Variants in AP3M1 observed in about 807,000 individuals in gnomAD.
AP3M1 encodes the protein adaptor related protein complex 3 subunit mu 1.
Under a neutral mutation model 42.6 loss-of-function variants are expected in AP3M1, and 29 were observed. That is an observed-to-expected ratio of 0.68 (90% CI 0.51 to 0.93). AP3M1 has a LOEUF of 0.93. Among genes scored for constraint, AP3M1 ranks in the 40% least tolerant of loss-of-function variants. The pLI is 0.00. For synonymous variants in AP3M1, 178 were observed against 175.3 expected (o/e 1.02, Z -0.12); for missense variants, 416 against 510.2 (o/e 0.82, Z 1.78).
Position 74,123,623 on chromosome 10 carries a change from A to G in AP3M1, c.*187T>C. The G allele has an allele frequency of 3.4e-6, 2 of 584,694 alleles. No individual in the cohort carries two copies. The highest frequency in any genetic ancestry group is 6.1e-6 in the Non-Finnish European group (2 of 328,320). The allele number at this position is 584,694 out of a possible 1,614,324, so 36.2% of individuals were successfully genotyped here. ...AGATACAAAATAAGCTAAGTCACTAAAAGGTTTCCTTAGCTTAAAGCTCCT... is the reference window on the plus strand; with the variant it reads ...AGATACAAAATAAGCTAAGTCACTAGAAGGTTTCCTTAGCTTAAAGCTCCT... On this transcript the variant is annotated 3_prime_UTR_variant, in exon 9 of 9. Transcript: ENST00000355264.
rs889153754 is a variant in AP3M1 at position 74,126,026 on chromosome 10, C to T, written c.1011+122G>A. 4.0e-6 allele frequency: 4 copies of T among 992,586 alleles called. No homozygotes were observed. In the African/African-American group the frequency reaches 6.4e-5, roughly 16 times the overall value. 61.5% of individuals were successfully genotyped at this position (992,586 alleles called of 1,614,324 possible). On this transcript the variant is annotated intron_variant, in intron 7 of 8. Transcript: ENST00000355264. Reference sequence around the variant, plus strand: ...GCAGAAGCACAGCACAGTATGCTCTCTAGGTTTTGATACGAACTTTAGTTT... The same window carrying T: ...GCAGAAGCACAGCACAGTATGCTCTTTAGGTTTTGATACGAACTTTAGTTT...
intron 1 of AP3M1, among the ~76,000 whole-genome samples, chr10:74,149,231 C>T (rs1333222780): frequency 9.5e-6 from 1 of 105,074 alleles, no homozygotes; most frequent in Admixed American, 1.2e-4. Context: ...AAAATATAAT[C>T]TTGTTGCAAA....
chr10:74,148,975 C>T (rs775633833), intron 1 of AP3M1, among the ~76,000 whole-genome samples: 17 of 151,392 alleles, frequency 1.1e-4, no homozygotes, highest in South Asian at 2.1e-4. Flanking sequence ...TGGGTTCAAG[C>T]GATTCTCCTG....
chr10:74,146,196 T>C (rs1468825296), intron 1 of AP3M1, among the ~76,000 whole-genome samples: 1 of 152,110 alleles, frequency 6.6e-6, no homozygotes, highest in Non-Finnish European at 1.5e-5. Flanking sequence ...CCAGTATAAA[T>C]TTAGCAAATA....
intron 3 of AP3M1, among the ~76,000 whole-genome samples, chr10:74,135,361 T>C (rs1840911521): frequency 6.6e-6 from 1 of 152,206 alleles, no homozygotes; most frequent in Admixed American, 6.5e-5. Flanking sequence ...TTCTACTGAT[T>C]TTCCAAGGTG....
chr10:74,131,723 A>G (rs1411053296), intron 4 of AP3M1, among the ~76,000 whole-genome samples: 1 of 151,398 alleles, frequency 6.6e-6, no homozygotes, highest in South Asian at 2.1e-4. Context: ...TAAATTTTTG[A>G]TAGATATGGG....
chr10:74,138,091 A>G lies in AP3M1; in HGVS notation c.273+16T>C, dbSNP rs759319343. 11 of 1,609,016 alleles carry G rather than the reference A, an allele frequency of 6.8e-6. No homozygotes were observed. Among genetic ancestry groups the G allele is most frequent in the Non-Finnish European group, 9.3e-6 (11 of 1,177,516 alleles). On this transcript the variant is annotated intron_variant, in intron 2 of 8. Coordinates refer to ENST00000355264, the MANE Select transcript of AP3M1 (RefSeq NM_012095.6). ...CTTGGGTCATTTAACTTAGAAAGGT[A>G]TGATAGATAACCAACCTGAAAAGTG...
At chr10:74,145,885 A>T (rs916035106) in intron 1 of AP3M1, among the ~76,000 whole-genome samples, 1 of 152,258 alleles carries the variant, frequency 6.6e-6, no homozygotes, top group Non-Finnish European at 1.5e-5. Flanking sequence ...CCTTCTATAT[A>T]TAATATGATG....
chr10:74,138,949 A>AT (rs1420270046), intron 1 of AP3M1: 1 of 151,672 alleles, frequency 6.6e-6, no homozygotes, highest in African/African-American at 2.4e-5. Flanking sequence ...AAAAAAAAAA[A>AT]AAAAAAAAAA....
chr10:74,126,050 T>G, intron 7 of AP3M1, 98 bp downstream of exon 7: 1 of 1,327,246 alleles, frequency 7.5e-7, no homozygotes, highest in Non-Finnish European at 1.1e-6. Context: ...GAACTTTAGT[T>G]TTAAACAAGG....
At chr10:74,135,621 A>C (rs1400597475) in intron 3 of AP3M1, among the ~76,000 whole-genome samples, 3 of 152,020 alleles carry the variant, frequency 2.0e-5, no homozygotes, top group African/African-American at 7.2e-5. Context: ...TATAAGAATA[A>C]TTTTTTTCAG....
rs759185186 is a variant in AP3M1, at chr10:74,129,238, G to C, written c.673C>G (p.Pro225Ala). 10 of 1,613,668 alleles carry C rather than the reference G, an allele frequency of 6.2e-6. No individual in the cohort carries two copies. The highest frequency in any genetic ancestry group is 8.5e-6 in the Non-Finnish European group (10 of 1,179,932). Residue 225 changes from proline (P) to alanine (A), a missense_variant, in exon 6 of 9, where the codon CCT becomes GCT. Coordinates refer to ENST00000355264, the MANE Select transcript of AP3M1 (RefSeq NM_012095.6). ...MPDLSLSFMN[P>A]RLLDDVSFHP... ...AAGCTGACATCATCCAGAAGCCTAG[G>C]GTTCTGCCAGAAAAACAGAAGACAG...
At chr10:74,134,199 T>C (rs1591751218) in intron 3 of AP3M1, 35 bp from the exon 4 acceptor site, 9 of 1,573,846 alleles carry the variant, frequency 5.7e-6, no homozygotes, top group Non-Finnish European at 7.8e-6. Flanking sequence ...AAAGCTGATG[T>C]ATAAAACAGT....
chr10:74,135,956 T>C (rs986754043), intron 3 of AP3M1, among the ~76,000 whole-genome samples: 5 of 152,118 alleles, frequency 3.3e-5, no homozygotes, highest in Admixed American at 2.0e-4. Context: ...GGAGTTGGAG[T>C]GGCATATAAC....
intron 1 of AP3M1, among the ~76,000 whole-genome samples, chr10:74,145,574 T>C (rs1030461026): frequency 6.6e-6 from 1 of 152,228 alleles, no homozygotes; most frequent in Non-Finnish European, 1.5e-5. Flanking sequence ...TAGCTGCAGT[T>C]ATTTTTTTAA....
intron 1 of AP3M1, among the ~76,000 whole-genome samples, chr10:74,140,035 G>T (rs533356460): frequency 2.0e-5 from 3 of 152,132 alleles, no homozygotes; most frequent in African/African-American, 7.2e-5. Context: ...CAACAGGGGC[G>T]AACGGGGTGG....
intron 6 of AP3M1, among the ~76,000 whole-genome samples, chr10:74,126,698 A>C (rs1840625086): frequency 1.3e-5 from 2 of 152,040 alleles, no homozygotes; most frequent in Admixed American, 6.6e-5. Context: ...CTCTACAAAA[A>C]TTAGCTAGGG....
chr10:74,130,216 G>A (rs552116450), intron 4 of AP3M1, among the ~76,000 whole-genome samples: 4 of 152,018 alleles, frequency 2.6e-5, no homozygotes, highest in African/African-American at 7.2e-5. Context: ...ATATAGGTGC[G>A]TGCCATGACA....
At chr10:74,129,034 T>G (rs1023277844) in intron 6 of AP3M1, 74 bp downstream of exon 6, 4 of 1,570,798 alleles carry the variant, frequency 2.5e-6, no homozygotes, top group East Asian at 2.2e-5. Flanking sequence ...TACTCAACTT[T>G]CAGAAAGAAA....
Sources: allele counts gnomAD v4.1 joint callset (sites outside exome capture counted in the v4.1 genomes callset), GRCh38; gene constraint gnomAD v4.1.1; transcripts MANE v1.5; gene names NCBI Gene and HGNC (gene_info 2026-07-23, HGNC 2026-07-21).